The following SLC8A3 variants were observed in gnomAD, a reference collection of about 807,000 sequenced individuals.
SLC8A3 encodes the protein solute carrier family 8 member A3.
SLC8A3 carries 37 observed loss-of-function variants against 65.4 expected under a neutral mutation model. That is an observed-to-expected ratio of 0.57 (90% CI 0.44 to 0.74). The LOEUF (loss-of-function observed/expected upper bound fraction) is 0.74, where lower values mean the gene tolerates loss of function less well. Ranked by LOEUF, SLC8A3 falls within the 30% of genes least tolerant of loss-of-function variation. SLC8A3 has a pLI of 0.00. For synonymous variants in SLC8A3, 461 were observed against 444.5 expected (o/e 1.04, Z -0.47); for missense variants, 1,112 against 1,172.1 (o/e 0.95, Z 0.75).
intron 3 of SLC8A3, chr14:70,059,466 T>C (rs1888522894): frequency 1.3e-5 from 2 of 152,182 alleles, no homozygotes; most frequent in South Asian, 4.1e-4. Context: ...GAACGTCCTC[T>C]TGTTATTTCC....
At chr14:70,142,350 G>A (rs1463468015) in intron 2 of SLC8A3, among the ~76,000 whole-genome samples, 1 of 152,222 alleles carries the variant, frequency 6.6e-6, no homozygotes, top group Non-Finnish European at 1.5e-5. Context: ...AGGATGTGGG[G>A]TGAGGGTGGT....
chr14:70,060,552 G>A (rs1273779865), intron 3 of SLC8A3: 4 of 540,356 alleles, frequency 7.4e-6, no homozygotes, highest in South Asian at 3.2e-5. Context: ...ACTCATTAGG[G>A]TAATGAGGAG....
intron 1 of SLC8A3, among the ~76,000 whole-genome samples, chr14:70,179,110 G>A (rs1882499315): frequency 1.3e-5 from 2 of 152,128 alleles, no homozygotes; most frequent in Admixed American, 6.5e-5. Context: ...TGCATCTACT[G>A]TTCTCTCTAC....
chr14:70,060,579 G>A, intron 3 of SLC8A3: 1 of 607,718 alleles, frequency 1.6e-6, no homozygotes, highest in Non-Finnish European at 3.1e-6. Flanking sequence ...CTGCAGTGCT[G>A]CCCAGAAGGC....
intron 2 of SLC8A3, among the ~76,000 whole-genome samples, chr14:70,155,569 A>C (rs777374630): frequency 3.9e-5 from 6 of 152,244 alleles, no homozygotes; most frequent in Non-Finnish European, 8.8e-5. Context: ...AAGTGATCAT[A>C]GTAACCCTAA....
chr14:70,051,019 G>T lies in SLC8A3; in HGVS notation c.2102C>A (p.Thr701Asn). The change falls in exon 5 of 7, where the codon ACC becomes AAC. Residue 701 changes from threonine to asparagine, a missense_variant. Coordinates refer to ENST00000356921, the MANE Select transcript of SLC8A3 (RefSeq NM_182932.3). The part of the protein sequence containing the change: ...SWRDQFMEAI[T>N]VSAAGDEDED... The stretch of plus-strand genomic sequence containing the variant: ...GAGACACTTCTCACCTGCACTGACG[G>T]TGATGGCCTCCATGAACTGGTCCCT... The T allele has an allele frequency of 6.2e-7, 1 of 1,610,070 alleles. No individual in the cohort carries two copies. The highest frequency in any genetic ancestry group is 1.1e-5 in the South Asian group (1 of 90,988).
intron 2 of SLC8A3, among the ~76,000 whole-genome samples, chr14:70,159,661 A>G (rs1022032184): frequency 1.3e-5 from 2 of 152,184 alleles, no homozygotes; most frequent in Non-Finnish European, 2.9e-5. Context: ...CATTCTTTTG[A>G]GTGGATGAGG....
intron 1 of SLC8A3, among the ~76,000 whole-genome samples, chr14:70,187,892 A>T (rs1287578191): frequency 6.6e-6 from 1 of 152,046 alleles, no homozygotes; most frequent in Admixed American, 6.5e-5. Flanking sequence ...CGCCGAGTGG[A>T]TAACGCGCTT....
intron 2 of SLC8A3, among the ~76,000 whole-genome samples, chr14:70,122,685 AAAC>A (rs1894157096): frequency 1.3e-5 from 2 of 152,102 alleles, no homozygotes; most frequent in Admixed American, 1.3e-4. Flanking sequence ...CAACAACAAC[AAAC>A]AAACAAACAA....
chr14:70,165,753 G>T (rs1897128975), intron 2 of SLC8A3, among the ~76,000 whole-genome samples: 1 of 152,192 alleles, frequency 6.6e-6, no homozygotes, highest in African/African-American at 2.4e-5. Context: ...GGTGACAGAA[G>T]TGTAATACCC....
chr14:70,129,895 A>T (rs1230607582), intron 2 of SLC8A3, among the ~76,000 whole-genome samples: 1 of 152,212 alleles, frequency 6.6e-6, no homozygotes, highest in African/African-American at 2.4e-5. Flanking sequence ...ATTTTCACGC[A>T]TCTTCTACGT....
intron 2 of SLC8A3, among the ~76,000 whole-genome samples, chr14:70,068,001 G>C (rs1378482348): frequency 6.6e-6 from 1 of 152,226 alleles, no homozygotes; most frequent in Non-Finnish European, 1.5e-5. Flanking sequence ...AGGTGCCAAT[G>C]CACACAGCGT....
intron 1 of SLC8A3, among the ~76,000 whole-genome samples, chr14:70,179,837 G>A (rs1435822960): frequency 6.6e-6 from 1 of 152,184 alleles, no homozygotes; most frequent in East Asian, 1.9e-4. Context: ...CTTCTTATGA[G>A]GATGATCATA....
intron 2 of SLC8A3, among the ~76,000 whole-genome samples, chr14:70,133,947 G>A (rs1566801941): frequency 6.6e-6 from 1 of 152,162 alleles, no homozygotes; most frequent in Non-Finnish European, 1.5e-5. Flanking sequence ...CCCATCCCCA[G>A]GGGTCAACTT....
At chr14:70,101,318 G>A (rs1892535732) in intron 2 of SLC8A3, among the ~76,000 whole-genome samples, 1 of 152,214 alleles carries the variant, frequency 6.6e-6, no homozygotes, top group Non-Finnish European at 1.5e-5. Flanking sequence ...CTTAGGAAAT[G>A]ATGTTTCAGT....
intron 2 of SLC8A3, among the ~76,000 whole-genome samples, chr14:70,068,465 A>AC (rs372051884): frequency 8.4e-4 from 127 of 151,962 alleles, no homozygotes; most frequent in African/African-American, 3.1e-3. Context: ...TGCAGCCTCA[A>AC]CTCCTGTGCT....
At chr14:70,188,345 G>C (rs918037190) in intron 1 of SLC8A3, 34 bp downstream of exon 1, 2 of 152,646 alleles carry the variant, frequency 1.3e-5, no homozygotes, top group African/African-American at 4.8e-5. Flanking sequence ...TGCCCGCTAA[G>C]GGGGAAGGGC....
At position 70,122,358 on chromosome 14, in the gene SLC8A3, T is replaced by C. The variant is rs550167585; in HGVS notation, c.1784+44281A>G. On this transcript the variant is annotated intron_variant, in intron 2 of 6. Coordinates refer to ENST00000356921, the MANE Select transcript of SLC8A3 (RefSeq NM_182932.3). ...GATGTTTCTGACTCAGACACACCCA[T>C]GGGGTCCTTGTCCCCCAACCACCCC... is the stretch of plus-strand genomic sequence containing the variant. Among the ~76,000 whole-genome samples, 9 of 152,302 alleles carry C rather than the reference T, an allele frequency of 5.9e-5. 1 individual carries two copies. In the South Asian group the frequency reaches 1.9e-3, roughly 32 times the overall value.
chr14:70,163,655 A>C (rs571532075), intron 2 of SLC8A3, among the ~76,000 whole-genome samples: 1 of 152,350 alleles, frequency 6.6e-6, no homozygotes, highest in Non-Finnish European at 1.5e-5. Context: ...GTTGGAATTA[A>C]AGAGCAAACA....
Sources: gnomAD v4.1 joint callset for allele counts (sites outside exome capture counted in the v4.1 genomes callset) on GRCh38, gnomAD v4.1.1 for gene constraint, MANE v1.5 for transcripts, NCBI Gene and HGNC (gene_info 2026-07-23, HGNC 2026-07-21) for gene names.